The following ARID5B variants were observed in gnomAD, a reference collection of about 807,000 sequenced individuals.
ARID5B encodes the protein AT-rich interactive domain-containing protein 5B.
ARID5B carries 13 observed loss-of-function variants against 97.2 expected under a neutral mutation model. The ratio of observed to expected loss-of-function variants is 0.13; its 90% CI spans 0.09 to 0.21. The LOEUF (loss-of-function observed/expected upper bound fraction) is 0.21. Among genes scored for constraint, ARID5B ranks in the 10% least tolerant of loss-of-function variants. ARID5B has a pLI of 1.00. For synonymous variants in ARID5B, 556 were observed against 570.3 expected, an observed-to-expected ratio of 0.97 and a Z score of 0.36; for missense variants, 1,210 against 1,465.3, an observed-to-expected ratio of 0.83 and a Z score of 2.84.
At chr10:62,009,708 C>G (rs1839192580) in intron 4 of ARID5B, among the ~76,000 whole-genome samples, 1 of 152,100 alleles carries the variant, frequency 6.6e-6, no homozygotes. Flanking sequence ...GGATATCTGC[C>G]AAAGCTTTGT....
Position 61,911,883 on chromosome 10 carries a change from A to T in ARID5B, c.276+9470A>T, listed in dbSNP as rs931166057. On this transcript the variant is annotated intron_variant, in intron 2 of 9. Coordinates refer to ENST00000279873, the MANE Select transcript of ARID5B (RefSeq NM_032199.3). ...GAGTTTTTTTAGCATGAGCTGGACA[A>T]CTATCTGTGCTTGCCTGCTGGGGTC... 2.0e-5 allele frequency among the ~76,000 whole-genome samples: 3 copies of T among 152,246 alleles called. No homozygotes were observed. In the South Asian group the frequency reaches 6.2e-4, roughly 32 times the overall value.
chr10:62,076,101 C>T lies in ARID5B; in HGVS notation c.1199+6304C>T, dbSNP rs1395552137. 3.9e-5 allele frequency among the ~76,000 whole-genome samples: 6 copies of T among 152,278 alleles called. No homozygotes were observed. The South Asian group carries it at 6.2e-4, about 16-fold the overall frequency. On this transcript the variant is annotated intron_variant, in intron 8 of 9. Transcript: ENST00000279873. ...AACAGGATGCTGCTTCCGGTGAGCC[C>T]GGGTTCAGCCTCAGAATTCTTCTCA... is the stretch of plus-strand genomic sequence containing the variant.
intron 3 of ARID5B, among the ~76,000 whole-genome samples, chr10:61,958,113 A>G (rs1838417125): frequency 6.6e-6 from 1 of 152,236 alleles, no homozygotes. Flanking sequence ...CAACTATGTT[A>G]TAAGGTAGAG....
intron 4 of ARID5B, among the ~76,000 whole-genome samples, chr10:62,028,217 G>A (rs1839446616): frequency 1.3e-5 from 2 of 152,232 alleles, no homozygotes; most frequent in African/African-American, 2.4e-5. Flanking sequence ...CTAGGAATGA[G>A]AAGAGTTTCC....
chr10:61,946,662 C>T (rs902476920), intron 3 of ARID5B, among the ~76,000 whole-genome samples: 3 of 152,196 alleles, frequency 2.0e-5, no homozygotes, highest in African/African-American at 4.8e-5. Flanking sequence ...GTGGCTCACA[C>T]CTGTAATCCC....
At chr10:61,982,437 G>A (rs1290721630) in intron 3 of ARID5B, among the ~76,000 whole-genome samples, 4 of 152,118 alleles carry the variant, frequency 2.6e-5, no homozygotes, top group African/African-American at 9.7e-5. Flanking sequence ...AAGGGTTTGC[G>A]AGGAGGTCAA....
intron 4 of ARID5B, among the ~76,000 whole-genome samples, 189 bp from the exon 5 acceptor site, chr10:62,050,699 C>T (rs3740355): frequency 4.6e-5 from 7 of 151,934 alleles, no homozygotes; most frequent in African/African-American, 1.7e-4. Flanking sequence ...GAAACGTGTA[C>T]AGAAATGTAT....
chr10:61,967,801 G>A (rs964216281), intron 3 of ARID5B, among the ~76,000 whole-genome samples: 2 of 152,102 alleles, frequency 1.3e-5, no homozygotes, highest in East Asian at 1.9e-4. Context: ...TATAATGCTG[G>A]CATTTTATTT....
intron 4 of ARID5B, among the ~76,000 whole-genome samples, chr10:62,008,061 A>AACACACACACACAC (rs369982502): frequency 1.9e-3 from 127 of 66,594 alleles, no homozygotes; most frequent in East Asian, 5.3e-3. Context: ...CCCGCCCCAC[A>AACACACACACACAC]ACACACACAC....
intron 4 of ARID5B, among the ~76,000 whole-genome samples, chr10:62,018,595 T>C (rs946907575): frequency 4.6e-5 from 7 of 151,422 alleles, no homozygotes; most frequent in African/African-American, 1.2e-4. Flanking sequence ...TTTTTTTTTT[T>C]CAAACCTGCC....
chr10:62,029,010 G>A (rs139496065), intron 4 of ARID5B, among the ~76,000 whole-genome samples: 48 of 150,770 alleles, frequency 3.2e-4, no homozygotes, highest in African/African-American at 1.1e-3. Context: ...TAAAATATTT[G>A]CAAGAGATTT....
chr10:61,919,016 C>T (rs566958274), intron 2 of ARID5B, among the ~76,000 whole-genome samples: 3 of 130,802 alleles, frequency 2.3e-5, no homozygotes, highest in African/African-American at 5.7e-5. Flanking sequence ...CTCCAGTCTG[C>T]GTGACAGAGC....
rs146918289 is a variant in ARID5B at position 61,987,859 on chromosome 10, C to T, written c.503-12232C>T. ...TCATGGTATGAAACCACAGAACTAT[C>T]ACTGGAATTAATATAGTAGTCACGA... On this transcript the variant is annotated intron_variant, in intron 3 of 9. Transcript: ENST00000279873. Among the ~76,000 whole-genome samples the T allele has an allele frequency of 3.0e-3, 457 of 152,294 alleles. 1 individual carries two copies. The highest frequency in any genetic ancestry group is 0.01 in the African/African-American group (426 of 41,560).
At chr10:61,996,431 A>G (rs1258724809) in intron 3 of ARID5B, among the ~76,000 whole-genome samples, 18 of 152,122 alleles carry the variant, frequency 1.2e-4, no homozygotes, top group Non-Finnish European at 2.9e-5. Flanking sequence ...AGATTGGGTT[A>G]TAAGTCCCAG....
At chr10:62,011,262 C>G (rs1049531827) in intron 4 of ARID5B, among the ~76,000 whole-genome samples, 1 of 152,166 alleles carries the variant, frequency 6.6e-6, no homozygotes, top group African/African-American at 2.4e-5. Context: ...ACACACAACA[C>G]CAGAAACATG....
intron 4 of ARID5B, among the ~76,000 whole-genome samples, chr10:62,021,229 T>G (rs1839353541): frequency 1.3e-5 from 2 of 151,964 alleles, no homozygotes; most frequent in South Asian, 4.1e-4. Flanking sequence ...TCGAAAATTG[T>G]TTTTAGCTGC....
At chr10:61,941,196 G>C (rs757095024) in intron 3 of ARID5B, among the ~76,000 whole-genome samples, 2 of 149,896 alleles carry the variant, frequency 1.3e-5, no homozygotes, top group Non-Finnish European at 3.0e-5. Flanking sequence ...AGATAGAAGG[G>C]GTAGAGCACA....
chr10:62,028,956 CAAAAAA>C (rs60831618), intron 4 of ARID5B, among the ~76,000 whole-genome samples: 1 of 95,370 alleles, frequency 1.0e-5, no homozygotes, highest in African/African-American at 4.1e-5. Context: ...GACTCTGTCT[CAAAAAA>C]AAAAAAAAAA....
At chr10:62,035,546 A>G (rs1189344575) in intron 4 of ARID5B, among the ~76,000 whole-genome samples, 1 of 152,196 alleles carries the variant, frequency 6.6e-6, no homozygotes, top group Non-Finnish European at 1.5e-5. Context: ...GCTGGAGTGC[A>G]GTGGCACAGT....
Sources: allele counts gnomAD v4.1 joint callset (sites outside exome capture counted in the v4.1 genomes callset), GRCh38; gene constraint gnomAD v4.1.1; transcripts MANE v1.5; gene names NCBI Gene and HGNC (gene_info 2026-07-23, HGNC 2026-07-21).